Variants in USP24 observed in about 807,000 individuals in gnomAD.
The protein encoded by USP24 is ubiquitin specific peptidase 24.
USP24 carries 97 observed loss-of-function variants against 361.6 expected under a neutral mutation model. The ratio of observed to expected loss-of-function variants is 0.27; its 90% CI spans 0.23 to 0.32. The LOEUF is 0.32. Among genes scored for constraint, USP24 ranks in the 10% least tolerant of loss-of-function variants. The pLI is 1.00. For synonymous variants in USP24, 1,098 were observed against 1,124.6 expected (o/e 0.98, Z 0.47); for missense variants, 2,353 against 3,165.6 (o/e 0.74, Z 6.16).
intron 42 of USP24, among the ~76,000 whole-genome samples, chr1:55,102,618 T>G (rs575903155): frequency 1.3e-5 from 2 of 152,206 alleles, no homozygotes; most frequent in South Asian, 4.1e-4. Context: ...ACATCAGACA[T>G]ATACTTACAG....
rs182030576 is a variant in USP24 at position 55,198,136 on chromosome 1, A to T, written c.324+16654T>A. Reference sequence around the variant, plus strand: ...AAAGCACATTTATATTTCTTTTTTAAAAAAATATTAAAAATAATTTTTTTT... The same window carrying T: ...AAAGCACATTTATATTTCTTTTTTATAAAAATATTAAAAATAATTTTTTTT... On this transcript the variant is annotated intron_variant, in intron 1 of 67. Transcript: ENST00000294383. Among the ~76,000 whole-genome samples the T allele has an allele frequency of 4.0e-3, 479 of 118,352 alleles. 1 individual carries two copies. Among genetic ancestry groups the T allele is most frequent in the Middle Eastern group, 0.015 (3 of 204 alleles). The allele number at this position is 118,352 out of a possible 152,430, so 77.6% of individuals were successfully genotyped here.
At position 55,086,018 on chromosome 1, in the gene USP24, T is replaced by C. The variant is rs201994041; in HGVS notation, c.6689A>G (p.Asn2230Ser). ...CACAGCAACTCGTACTTCTCTCACATTGCACTCCAGTAAGAAAATCCTGAA... is the reference window on the plus strand; with the variant it reads ...CACAGCAACTCGTACTTCTCTCACACTGCACTCCAGTAAGAAAATCCTGAA... ...ELIKIFLLECNVREVRVAVAT... is the reference protein window; with the variant it reads ...ELIKIFLLECSVREVRVAVAT... The change falls in exon 56 of 68, where the codon AAT (asparagine) becomes AGT (serine). Residue 2230 changes from asparagine to serine, a missense_variant. Physicochemically the swap from Asn to Ser is conservative, Grantham distance 46. This residue lies in a region of USP24 where 598 missense variants were observed against 761.9 expected (regional missense o/e 0.78). Coordinates refer to ENST00000294383, the MANE Select transcript of USP24 (RefSeq NM_015306.3). 20 of 1,613,928 alleles carry C rather than the reference T, an allele frequency of 1.2e-5. 1 individual carries two copies. The Middle Eastern group carries it at 8.2e-4, about 67-fold the overall frequency.
In USP24 at chr1:55,071,108, C is replaced by T. The variant is rs78798587; in HGVS notation, c.7800+706G>A. 7,260 of 981,244 alleles carry T rather than the reference C, an allele frequency of 7.4e-3. 24 individuals are homozygous for T. Among genetic ancestry groups the T allele is most frequent in the Non-Finnish European group, 8.4e-3 (6,935 of 826,374 alleles). The allele number at this position is 981,244 out of a possible 1,614,324, so 60.8% of individuals were successfully genotyped here. On this transcript the variant is annotated intron_variant, in intron 67 of 67. Coordinates refer to ENST00000294383, the MANE Select transcript of USP24 (RefSeq NM_015306.3). ...GCCTCACATAGTGCTTATGAGGATC[C>T]GAAAGATAACACTTAAAAAAAAATG...
At chr1:55,207,806 G>A (rs1644750211) in intron 1 of USP24, among the ~76,000 whole-genome samples, 1 of 152,172 alleles carries the variant, frequency 6.6e-6, no homozygotes, top group Admixed American at 6.5e-5. Context: ...AAACTTAAGT[G>A]AAAGTATAAT....
intron 1 of USP24, among the ~76,000 whole-genome samples, chr1:55,198,633 G>A (rs144241759): frequency 3.7e-4 from 56 of 152,270 alleles, no homozygotes; most frequent in African/African-American, 1.3e-3. Flanking sequence ...TGCCTCCGGG[G>A]TGGGATGACA....
At chr1:55,071,959 G>C in intron 66 of USP24, 35 bp from the exon 67 acceptor site, 3 of 1,566,664 alleles carry the variant, frequency 1.9e-6, no homozygotes, top group Non-Finnish European at 2.6e-6. Flanking sequence ...GACAAAGTTA[G>C]GGCCCATTCA....
At chr1:55,107,093 T>C (rs1645795708) in intron 40 of USP24, 146 bp downstream of exon 40, 1 of 918,736 alleles carries the variant, frequency 1.1e-6, no homozygotes, top group Non-Finnish European at 1.5e-6. Context: ...TGTTAGCCAC[T>C]AAAATAACGG....
chr1:55,134,997 C>T (rs1646694126), intron 28 of USP24, among the ~76,000 whole-genome samples: 1 of 152,022 alleles, frequency 6.6e-6, no homozygotes, highest in Admixed American at 6.5e-5. Flanking sequence ...AACGTATTTA[C>T]AAGTGGGAAG....
chr1:55,206,349 T>C (rs1312903574), intron 1 of USP24, among the ~76,000 whole-genome samples: 1 of 152,112 alleles, frequency 6.6e-6, no homozygotes, highest in African/African-American at 2.4e-5. Flanking sequence ...GTAAGACAAG[T>C]GTTCCGTACA....
chr1:55,106,381 T>C, intron 40 of USP24, 118 bp from the exon 41 acceptor site: 2 of 711,616 alleles, frequency 2.8e-6, no homozygotes, highest in Non-Finnish European at 4.7e-6. Context: ...TAGCAGAGCA[T>C]TTAGTTTAAT....
At chr1:55,187,069 C>T (rs1644152180) in intron 1 of USP24, among the ~76,000 whole-genome samples, 1 of 151,916 alleles carries the variant, frequency 6.6e-6, no homozygotes. Context: ...TAAACCATGA[C>T]CAAGTGGCAC....
At chr1:55,107,886 A>T (rs1459172939) in intron 39 of USP24, among the ~76,000 whole-genome samples, 3 of 149,798 alleles carry the variant, frequency 2.0e-5, no homozygotes, top group Non-Finnish European at 3.0e-5. Flanking sequence ...ACCCCACAAA[A>T]CTGTCATTAA....
In USP24 at chr1:55,189,645, T is replaced by C. The variant is rs190922467; in HGVS notation, c.325-11513A>G. 3.0e-3 allele frequency among the ~76,000 whole-genome samples: 461 copies of C among 152,340 alleles called. 3 individuals carry two copies. Among genetic ancestry groups the C allele is most frequent in the African/African-American group, 0.011 (449 of 41,592 alleles). The stretch of plus-strand genomic sequence containing the variant: ...TTCTCAAAATAAATGGTGGTGATGG[T>C]TGCACAATTCTGAATGCACACTTTA... On this transcript the variant is annotated intron_variant, in intron 1 of 67. Transcript: ENST00000294383.
At chr1:55,188,964 C>CAAAAAAAAAAAAAAAAAAAAA (rs533085761) in intron 1 of USP24, among the ~76,000 whole-genome samples, 1 of 74,418 alleles carries the variant, frequency 1.3e-5, no homozygotes, top group African/African-American at 7.1e-5. Flanking sequence ...AACTCCATCT[C>CAAAAAAAAAAAAAAAAAAAAA]AAAAAAAAAA....
intron 64 of USP24, 60 bp from the exon 65 acceptor site, chr1:55,072,921 A>G (rs1644950366): frequency 2.0e-6 from 3 of 1,468,676 alleles, no homozygotes; most frequent in Admixed American, 4.3e-5. Context: ...CTAGTGCTTC[A>G]TTTTGAAACG....
chr1:55,159,992 T>C (rs1192559570), intron 8 of USP24, among the ~76,000 whole-genome samples: 5 of 152,224 alleles, frequency 3.3e-5, no homozygotes, highest in African/African-American at 9.6e-5. Flanking sequence ...ATGAATTGTT[T>C]TTATAATAAA....
intron 38 of USP24, among the ~76,000 whole-genome samples, chr1:55,119,995 G>A (rs890270374): frequency 6.6e-6 from 1 of 152,148 alleles, no homozygotes; most frequent in Non-Finnish European, 1.5e-5. Flanking sequence ...CCCCACAGTA[G>A]GGGCTGTGTG....
At chr1:55,214,268 C>T (rs1246261351) in intron 1 of USP24, among the ~76,000 whole-genome samples, 1 of 151,982 alleles carries the variant, frequency 6.6e-6, no homozygotes, top group Non-Finnish European at 1.5e-5. Flanking sequence ...TCCTGTGATC[C>T]TGTCAAAGAC....
chr1:55,199,562 A>G (rs1644508415), intron 1 of USP24, among the ~76,000 whole-genome samples: 1 of 151,096 alleles, frequency 6.6e-6, no homozygotes, highest in African/African-American at 2.4e-5. Flanking sequence ...GACATTTGCA[A>G]CTTATTTTTC....
Sources: gnomAD v4.1 joint callset for allele counts (sites outside exome capture counted in the v4.1 genomes callset) on GRCh38, gnomAD v4.1.1 for gene constraint, gnomAD v4.1.1 regional missense constraint, MANE v1.5 for transcripts, NCBI Gene and HGNC (gene_info 2026-07-23, HGNC 2026-07-21) for gene names.